RNF213: variants seen among roughly 807,000 people sequenced by gnomAD.
RNF213 encodes E3 ubiquitin-protein ligase RNF213.
A neutral mutation model predicts 514.4 loss-of-function variants in RNF213; 341 were observed. That is an observed-to-expected ratio of 0.66 (90% confidence interval 0.61 to 0.73). The LOEUF (loss-of-function observed/expected upper bound fraction) is 0.73, where lower values mean the gene tolerates loss of function less well. RNF213 is among the 30% of genes least tolerant of loss of function. RNF213 has a pLI of 0.00. For missense variants in RNF213, 5,767 were observed against 6,615.6 expected (o/e 0.87, Z 4.45); for synonymous variants, 2,655 against 2,658.2 (o/e 1.00, Z 0.04).
intron 42 of RNF213, 49 bp downstream of exon 42, chr17:80,364,602 G>A (rs776081814): frequency 1.6e-5 from 25 of 1,612,470 alleles, no homozygotes; most frequent in Admixed American, 3.3e-5. Flanking sequence ...ACCCTTTTCC[G>A]AAAGGAAGAA....
chr17:80,272,948 G>C (rs555377481), intron 2 of RNF213, among the ~76,000 whole-genome samples: 47 of 152,256 alleles, frequency 3.1e-4, no homozygotes, highest in African/African-American at 9.6e-4. Flanking sequence ...TGACATCCTA[G>C]TACAGAGTCA....
rs1322564469 is a variant in RNF213, at chr17:80,379,389, T to C, written c.13546-231T>C. ...TAAAGTGTCACTCTGGGAATAAAGC[T>C]TAAATTGTCTCACTTATTTAAAAAA... On this transcript the variant is annotated intron_variant, in intron 54 of 67. Transcript: ENST00000582970. 7.2e-6 allele frequency: 4 copies of C among 559,094 alleles called. No individual in the cohort carries two copies. In the East Asian group the frequency reaches 1.3e-4, roughly 18 times the overall value. 34.6% of individuals were successfully genotyped at this position (559,094 alleles called of 1,614,324 possible). A position where few individuals can be genotyped will look rare whatever the true frequency, so the allele number is the denominator to read the frequency against.
intron 63 of RNF213, chr17:80,388,398 T>C (rs1327603490): frequency 3.4e-6 from 2 of 580,640 alleles, no homozygotes; most frequent in African/African-American, 1.9e-5. Flanking sequence ...TATCTTGTCA[T>C]GTAATTGGCT....
chr17:80,343,411 A>G lies in RNF213; in HGVS notation c.6183+86A>G. On this transcript the variant is annotated intron_variant, in intron 27 of 67. Transcript: ENST00000582970. The surrounding 1 kb of genome is among the most constrained non-coding windows in gnomAD (Gnocchi z 4.3). ...TGCGTGACTCCTCCCCGTGTATAGAATTCCTTGTTTCCACACGCACAGTCC... is the reference window on the plus strand; with the variant it reads ...TGCGTGACTCCTCCCCGTGTATAGAGTTCCTTGTTTCCACACGCACAGTCC... 11 of 1,206,982 alleles carry G rather than the reference A, an allele frequency of 9.1e-6. No homozygotes were observed. Among genetic ancestry groups the G allele is most frequent in the Non-Finnish European group, 1.3e-5 (11 of 834,002 alleles). 74.8% of individuals were successfully genotyped at this position (1,206,982 alleles called of 1,614,324 possible).
rs751740826 is a variant in RNF213 at position 80,268,368 on chromosome 17, AAAAAAAAAAAAG to A, written c.97+4591_97+4602del. The stretch of plus-strand genomic sequence containing the variant: ...ACCCTGTCTCAGAAAAAAAAAAAAA[AAAAAAAAAAAAG>A]GCAGTACTGCATCCCCGGAGGGACT... On this transcript the variant is annotated intron_variant, in intron 2 of 67. Transcript: ENST00000582970. Among the ~76,000 whole-genome samples the A allele has an allele frequency of 6.0e-3, 881 of 146,014 alleles. 5 individuals carry two copies. The highest frequency in any genetic ancestry group is 1.0e-2 in the Non-Finnish European group (664 of 66,586).
At chr17:80,386,583 T>A in intron 62 of RNF213, 107 bp from the exon 63 acceptor site, 1 of 1,452,746 alleles carries the variant, frequency 6.9e-7, no homozygotes, top group East Asian at 2.3e-5. Context: ...TTGGGTAGGG[T>A]TTTCCACTGC....
At chr17:80,370,807 G>T (rs544714392) in intron 46 of RNF213, among the ~76,000 whole-genome samples, 2 of 152,328 alleles carry the variant, frequency 1.3e-5, no homozygotes, top group East Asian at 3.9e-4. Flanking sequence ...GGTGTCCAGG[G>T]CTGGGCAGGC....
chr17:80,349,731 T>C, intron 29 of RNF213, 39 bp from the exon 30 acceptor site: 3 of 1,612,156 alleles, frequency 1.9e-6, no homozygotes, highest in Non-Finnish European at 2.5e-6. Context: ...AACCTTTCCT[T>C]GAAGTCTGGC....
Position 80,345,867 on chromosome 17 carries a change from C to T in RNF213, c.7532C>T (p.Pro2511Leu). 6.2e-7 allele frequency: 1 copy of T among 1,614,156 alleles called. No individual in the cohort carries two copies. The highest frequency in any genetic ancestry group is 8.5e-7 in the Non-Finnish European group (1 of 1,180,040). Reference protein sequence around the residue: ...VLCDHMVDGQPLAEDSGLHII... With the variant: ...VLCDHMVDGQLLAEDSGLHII... ...TGTGATCATATGGTGGATGGCCAGC[C>T]TCTGGCTGAGGACTCTGGCCTGCAT... Residue 2511 changes from proline to leucine, a missense_variant, in exon 29 of 68, where the codon CCT becomes CTT. Around this residue, in one of 13 missense-constraint regions of RNF213, gnomAD observed 1,377 missense variants for 1,635.2 expected, o/e 0.84. Transcript: ENST00000582970. The surrounding 1 kb of genome is among the most constrained non-coding windows in gnomAD (Gnocchi z 6.0).
chr17:80,284,687 C>G (rs910100741), intron 3 of RNF213, among the ~76,000 whole-genome samples: 1 of 152,088 alleles, frequency 6.6e-6, no homozygotes, highest in Non-Finnish European at 1.5e-5. Flanking sequence ...GCGTCTCCGG[C>G]CCTGTCTACT....
Position 80,303,568 on chromosome 17 carries a change from T to TTTTC in RNF213, c.2211-2681_2211-2680insCTTT, listed in dbSNP as rs1491207780. On this transcript the variant is annotated intron_variant, in intron 11 of 67. Transcript: ENST00000582970. ...TCCTTTTCTTTTTTCTTTTCTTTTC[T>TTTTC]TTTTTTTTTTTTTTTGAGACAGTCC... is the stretch of plus-strand genomic sequence containing the variant. Among the ~76,000 whole-genome samples, 552 of 114,174 alleles carry TTTTC rather than the reference T, an allele frequency of 4.8e-3. 4 individuals are homozygous for TTTTC. The highest frequency in any genetic ancestry group is 0.026 in the African/African-American group (522 of 20,356). The allele number at this position is 114,174 out of a possible 152,430, so 74.9% of individuals were successfully genotyped here.
chr17:80,381,407 T>TGGATCACTCCGCCG, intron 56 of RNF213, 140 bp from the exon 57 acceptor site: 1 of 871,222 alleles, frequency 1.1e-6, no homozygotes, highest in Non-Finnish European at 1.9e-6. Context: ...TCCTTTCACC[T>TGGATCACTCCGCCG]GGATCACTCC....
chr17:80,315,769 CTGGTGG>C (rs1314134397), intron 15 of RNF213: 3 of 19,226 alleles, frequency 1.6e-4, no homozygotes, highest in Admixed American at 4.7e-4. Flanking sequence ...AGTGGTGATG[CTGGTGG>C]TGGTGGTGGT....
At position 80,373,127 on chromosome 17, in the gene RNF213, C is replaced by A; in HGVS notation, c.12904C>A (p.His4302Asn). ...GGGCCTCTCCAAGCCCGGCCGCCCGCACCAGTGGGTGTTTCCCAAGGACGT... is the reference window on the plus strand; with the variant it reads ...GGGCCTCTCCAAGCCCGGCCGCCCGAACCAGTGGGTGTTTCCCAAGGACGT... Reference protein sequence around the residue: ...VQGLSKPGRPHQWVFPKDVVK... With the variant: ...VQGLSKPGRPNQWVFPKDVVK... Residue 4302 changes from histidine (H) to asparagine (N), a missense_variant, in exon 49 of 68, where the codon CAC becomes AAC. By Grantham distance (68) the His-to-Asn change is moderately conservative (BLOSUM62 1). Around this residue, in one of 13 missense-constraint regions of RNF213, gnomAD observed 1,245 missense variants for 1,339.0 expected, o/e 0.93. Coordinates refer to ENST00000582970, the MANE Select transcript of RNF213 (RefSeq NM_001256071.3). The A allele has an allele frequency of 6.2e-7, 1 of 1,613,104 alleles. No individual in the cohort carries two copies. The highest frequency in any genetic ancestry group is 8.5e-7 in the Non-Finnish European group (1 of 1,179,970).
Position 80,340,286 on chromosome 17 carries a change from C to T in RNF213, c.5919C>T (p.Thr1973=). The T allele has an allele frequency of 6.2e-7, 1 of 1,614,014 alleles. No individual in the cohort carries two copies. The highest frequency in any genetic ancestry group is 8.5e-7 in the Non-Finnish European group (1 of 1,180,028). ...LAGHYRVPKQ[T]LSAAAVFNDR... ...GTCACTACCGGGTCCCGAAGCAGAC[C>T]CTGTCGGCGGCAGCCGTGTTCAATG... Residue 1973 remains threonine, a synonymous_variant, in exon 26 of 68, where the codon ACC becomes ACT. Transcript: ENST00000582970.
chr17:80,368,405 C>G (rs1681988741), intron 44 of RNF213, among the ~76,000 whole-genome samples: 1 of 151,154 alleles, frequency 6.6e-6, no homozygotes, highest in South Asian at 2.1e-4. Flanking sequence ...AGGTCCTCAC[C>G]AGAGGCCCAA....
rs2043513066 is a variant in RNF213, at chr17:80,263,862, T to C, written c.97+84T>C. The C allele has an allele frequency of 8.2e-7, 1 of 1,212,818 alleles. No homozygotes were observed. Among genetic ancestry groups the C allele is most frequent in the Non-Finnish European group, 1.2e-6 (1 of 822,230 alleles). The allele number at this position is 1,212,818 out of a possible 1,614,324, so 75.1% of individuals were successfully genotyped here. On this transcript the variant is annotated intron_variant, in intron 2 of 67. Transcript: ENST00000582970. The surrounding 1 kb of genome is among the most constrained non-coding windows in gnomAD (Gnocchi z 4.9). ...CCTCCCTTCCAGGAAATGGAAACCCTGGGCAGCAGGCAGCTCAGGTGGGGC... is the reference window on the plus strand; with the variant it reads ...CCTCCCTTCCAGGAAATGGAAACCCCGGGCAGCAGGCAGCTCAGGTGGGGC...
intron 8 of RNF213, among the ~76,000 whole-genome samples, chr17:80,294,208 C>G (rs2044851848): frequency 6.6e-6 from 1 of 152,188 alleles, no homozygotes; most frequent in Non-Finnish European, 1.5e-5. Context: ...AGCCCTTGCC[C>G]TGTGTCAGCC....
At chr17:80,273,761 A>G (rs1040350917) in intron 3 of RNF213, among the ~76,000 whole-genome samples, 1 of 151,886 alleles carries the variant, frequency 6.6e-6, no homozygotes, top group African/African-American at 2.4e-5. Flanking sequence ...CTGGGACTAC[A>G]GGCATGCACC....
Sources: allele counts gnomAD v4.1 joint callset (sites outside exome capture counted in the v4.1 genomes callset), GRCh38; gene constraint gnomAD v4.1.1; regional missense constraint gnomAD v4.1.1; non-coding constraint Gnocchi (gnomAD v3.1); transcripts MANE v1.5; gene names NCBI Gene and HGNC (gene_info 2026-07-23, HGNC 2026-07-21).